TNS1: variants seen among roughly 807,000 people sequenced by gnomAD.
The protein encoded by TNS1 is tensin-1.
A neutral mutation model predicts 168.6 loss-of-function variants in TNS1; 62 were observed. The ratio of observed to expected loss-of-function variants is 0.37; its 90% CI spans 0.30 to 0.45. The LOEUF (loss-of-function observed/expected upper bound fraction) is 0.45, where lower values mean the gene tolerates loss of function less well. Ranked by LOEUF, TNS1 falls within the 20% of genes least tolerant of loss-of-function variation. The pLI, the probability that TNS1 is intolerant of heterozygous loss-of-function variation, is 1.00. For synonymous variants in TNS1, 934 were observed against 933.2 expected (o/e 1.00, Z -0.02); for missense variants, 2,240 against 2,339.4 (o/e 0.96, Z 0.88).
At chr2:217,915,706 A>T (rs1001458333) in intron 4 of TNS1, among the ~76,000 whole-genome samples, 2 of 152,222 alleles carry the variant, frequency 1.3e-5, no homozygotes, top group Non-Finnish European at 1.5e-5. Context: ...GCAAGCACCG[A>T]GGGCAGCCTG....
In TNS1 at chr2:217,890,244, T is replaced by C. The variant is rs192101438; in HGVS notation, c.866+718A>G. On this transcript the variant is annotated intron_variant, in intron 12 of 32. Transcript: ENST00000682258. ...CTATTAAAAGAGCCCCGTTCCCCTA[T>C]CAGTTCTCGTGTCTGCAGTGCCCTC... The C allele has an allele frequency of 2.6e-5, 4 of 152,390 alleles. No individual in the cohort carries two copies. The East Asian group carries it at 7.7e-4, about 29-fold the overall frequency. 9.4% of individuals were successfully genotyped at this position (152,390 alleles called of 1,614,324 possible).
chr2:217,922,864 A>G (rs1464304052), intron 3 of TNS1, among the ~76,000 whole-genome samples: 1 of 152,126 alleles, frequency 6.6e-6, no homozygotes, highest in Non-Finnish European at 1.5e-5. Context: ...CTCCGCCCAC[A>G]GCCGTGCATT....
At chr2:217,840,695 T>A (rs963932577) in intron 19 of TNS1, among the ~76,000 whole-genome samples, 1 of 152,200 alleles carries the variant, frequency 6.6e-6, no homozygotes, top group South Asian at 2.1e-4. Flanking sequence ...GGTGGCCCCA[T>A]GCAAAGCTCA....
intron 2 of TNS1, among the ~76,000 whole-genome samples, chr2:217,984,111 T>C (rs1433534277): frequency 1.3e-5 from 2 of 152,070 alleles, no homozygotes; most frequent in Admixed American, 6.5e-5. Context: ...CAGGCAGGGG[T>C]ACCCCACCTG....
At chr2:217,961,216 G>GTCTCTC (rs201888585) in intron 3 of TNS1, among the ~76,000 whole-genome samples, 1 of 146,250 alleles carries the variant, frequency 6.8e-6, no homozygotes, top group African/African-American at 2.6e-5. Flanking sequence ...CCATCTCAGG[G>GTCTCTC]TGTCTCTCTC....
At chr2:217,839,363 C>A (rs1945623610) in intron 19 of TNS1, among the ~76,000 whole-genome samples, 1 of 152,130 alleles carries the variant, frequency 6.6e-6, no homozygotes, top group Non-Finnish European at 1.5e-5. Flanking sequence ...ACAGCCCTGC[C>A]AGGATGAGCA....
chr2:217,833,010 G>A (rs970853739), intron 21 of TNS1, among the ~76,000 whole-genome samples: 1 of 152,142 alleles, frequency 6.6e-6, no homozygotes, highest in African/African-American at 2.4e-5. Flanking sequence ...CCCTGTCATG[G>A]TGTCTTGCTC....
intron 1 of TNS1, chr2:218,010,067 C>CGGG (rs1958692252): frequency 5.5e-6 from 2 of 364,336 alleles, no homozygotes; most frequent in African/African-American, 5.0e-5. Flanking sequence ...GGGGGGGGGT[C>CGGG]GGAAGGGGCC....
At chr2:217,920,978 T>G (rs1575084786) in intron 3 of TNS1, among the ~76,000 whole-genome samples, 31 of 102,222 alleles carry the variant, frequency 3.0e-4, no homozygotes, top group East Asian at 7.9e-4. Flanking sequence ...AGGGGGAGAG[T>G]AGAGGGGAGG....
At chr2:217,966,566 G>A (rs770848574) in intron 3 of TNS1, among the ~76,000 whole-genome samples, 5 of 152,110 alleles carry the variant, frequency 3.3e-5, no homozygotes, top group Admixed American at 6.5e-5. Flanking sequence ...CTCCACAAGC[G>A]CTGCCAGGGA....
At chr2:217,889,505 C>T (rs1300680913) in intron 12 of TNS1, among the ~76,000 whole-genome samples, 1 of 152,190 alleles carries the variant, frequency 6.6e-6, no homozygotes, top group East Asian at 1.9e-4. Context: ...AGTGCTATTC[C>T]CTCATTCTGG....
chr2:217,890,941 C>T (rs1198606517), intron 12 of TNS1, 21 bp downstream of exon 12: 13 of 1,612,250 alleles, frequency 8.1e-6, no homozygotes, highest in East Asian at 6.7e-5. Flanking sequence ...ATGCAAGGGG[C>T]TGTGAGCCCC....
In TNS1 at chr2:217,803,622, G is replaced by A. The variant is rs1411386227; in HGVS notation, c.*837C>T. 1 of 152,652 alleles carries A rather than the reference G, an allele frequency of 6.6e-6. No homozygotes were observed. The highest frequency in any genetic ancestry group is 2.4e-5 in the African/African-American group (1 of 41,436). The allele number at this position is 152,652 out of a possible 1,614,324, so 9.5% of individuals were successfully genotyped here. On this transcript the variant is annotated 3_prime_UTR_variant, in exon 33 of 33. Coordinates refer to ENST00000682258, the MANE Select transcript of TNS1 (RefSeq NM_001387777.1). ...ATTGCAGACCCTCCCACTCCTGCTG[G>A]GGTCTTTGTAGAAGAGAAGGGTCTG...
chr2:217,930,878 A>AGGCTGGGG (rs879550168), intron 3 of TNS1, among the ~76,000 whole-genome samples: 2 of 152,072 alleles, frequency 1.3e-5, no homozygotes, highest in Admixed American at 1.3e-4. Flanking sequence ...TGAAGCAGGG[A>AGGCTGGGG]GGCTGGGGGA....
chr2:217,820,098 A>G (rs915364792), intron 23 of TNS1, among the ~76,000 whole-genome samples: 2 of 152,158 alleles, frequency 1.3e-5, no homozygotes, highest in Non-Finnish European at 2.9e-5. Flanking sequence ...ATAATCCAGA[A>G]TAAACTGGAT....
intron 6 of TNS1, among the ~76,000 whole-genome samples, chr2:217,904,813 T>C (rs1206824289): frequency 2.0e-5 from 3 of 152,224 alleles, no homozygotes; most frequent in African/African-American, 7.2e-5. Context: ...AGACTGGGGA[T>C]GTGGGGACAG....
rs1950179294 is a variant in TNS1 at position 217,876,095 on chromosome 2, A to C, written c.1429+4803T>G. On this transcript the variant is annotated intron_variant, in intron 18 of 32. Coordinates refer to ENST00000682258, the MANE Select transcript of TNS1 (RefSeq NM_001387777.1). ...CCATCCTCTCTGTTGAGTCAAGAGAAACTCTAAACAACTGATGTCCAAGGA... is the reference window on the plus strand; with the variant it reads ...CCATCCTCTCTGTTGAGTCAAGAGACACTCTAAACAACTGATGTCCAAGGA... Among the ~76,000 whole-genome samples, 3 of 152,164 alleles carry C rather than the reference A, an allele frequency of 2.0e-5. No individual in the cohort carries two copies. In the South Asian group the frequency reaches 6.2e-4, roughly 31 times the overall value.
In TNS1 at chr2:217,957,347, G is replaced by A. The variant is rs114256902; in HGVS notation, c.186+21418C>T. ...GCCGCACTCCTCCCACTGTGTCTCT[G>A]CATACACACCCAGCCCCTTCCAGAG... On this transcript the variant is annotated intron_variant, in intron 3 of 32. Transcript: ENST00000682258. Among the ~76,000 whole-genome samples the A allele has an allele frequency of 8.4e-3, 1,281 of 152,302 alleles. 15 individuals are homozygous for A. Among genetic ancestry groups the A allele is most frequent in the African/African-American group, 0.029 (1,192 of 41,564 alleles).
At chr2:217,850,438 G>A (rs1947307790) in intron 18 of TNS1, 1 of 985,296 alleles carries the variant, frequency 1.0e-6, no homozygotes, top group Non-Finnish European at 1.2e-6. Flanking sequence ...ACCCCCCTGA[G>A]CAACACTTTC....
Sources: gnomAD v4.1 joint callset for allele counts (sites outside exome capture counted in the v4.1 genomes callset) on GRCh38, gnomAD v4.1.1 for gene constraint, MANE v1.5 for transcripts, NCBI Gene and HGNC (gene_info 2026-07-23, HGNC 2026-07-21) for gene names.